The following UNC13C variants were observed in gnomAD, a reference collection of about 807,000 sequenced individuals.
The protein encoded by UNC13C is unc-13 homolog C.
In UNC13C, 174 loss-of-function variants were observed where a neutral mutation model predicts 245.4. The ratio of observed to expected loss-of-function variants is 0.71; its 90% CI spans 0.63 to 0.80. The LOEUF is 0.80. UNC13C is among the 30% of genes least tolerant of loss of function. The pLI, the probability that UNC13C is intolerant of heterozygous loss-of-function variation, is 0.00. For missense variants in UNC13C, 2,829 were observed against 2,602.9 expected, an observed-to-expected ratio of 1.09 and a Z score of -1.89; for synonymous variants, 992 against 895.1, an observed-to-expected ratio of 1.11 and a Z score of -1.93.
intron 4 of UNC13C, among the ~76,000 whole-genome samples, chr15:54,204,418 G>A (rs952538444): frequency 3.3e-5 from 5 of 151,602 alleles, no homozygotes; most frequent in African/African-American, 1.2e-4. Context: ...TATAAGGGCT[G>A]TAGGCATAAA....
intron 17 of UNC13C, among the ~76,000 whole-genome samples, chr15:54,345,538 G>C (rs935514424): frequency 6.6e-6 from 1 of 152,156 alleles, no homozygotes; most frequent in African/African-American, 2.4e-5. Flanking sequence ...ATAGCTACCA[G>C]GTGGTGAAGG....
intron 4 of UNC13C, among the ~76,000 whole-genome samples, chr15:54,191,006 T>C (rs1171734722): frequency 1.3e-5 from 2 of 152,156 alleles, no homozygotes; most frequent in Non-Finnish European, 2.9e-5. Flanking sequence ...GTTTAGTCCA[T>C]ATTAGTTTAG....
the UNC13C span, among the ~76,000 whole-genome samples, chr15:53,875,090 T>A: frequency 1.4e-5 from 2 of 143,482 alleles, no homozygotes; most frequent in African/African-American, 5.1e-5. Flanking sequence ...AGACTCCGTC[T>A]CAAAATTAAA....
intron 30 of UNC13C, among the ~76,000 whole-genome samples, chr15:54,605,599 T>C (rs542268915): frequency 1.8e-4 from 27 of 152,312 alleles, no homozygotes; most frequent in Middle Eastern, 3.4e-3. Flanking sequence ...AGCCCACCCT[T>C]GTTTTAAAGT....
intron 17 of UNC13C, among the ~76,000 whole-genome samples, chr15:54,379,290 T>C (rs932447320): frequency 6.6e-6 from 1 of 152,084 alleles, no homozygotes; most frequent in Non-Finnish European, 1.5e-5. Context: ...TTCCACTTCC[T>C]CTTAAAATTA....
At chr15:54,084,039 G>A (rs1899102075) in intron 2 of UNC13C, among the ~76,000 whole-genome samples, 1 of 152,224 alleles carries the variant, frequency 6.6e-6, no homozygotes, top group Admixed American at 6.5e-5. Context: ...CAGTTTGGCA[G>A]GCAGCAGATT....
At chr15:54,234,913 G>GAAAACTATGGTATCCAGGTCATCTTT in intron 4 of UNC13C, 117 bp from the exon 5 acceptor site, 3 of 858,496 alleles carry the variant, frequency 3.5e-6, no homozygotes, top group Non-Finnish European at 5.4e-6. Flanking sequence ...TGAATCGTTT[G>GAAAACTATGGTATCCAGGTCATCTTT]AAAACTATGG....
rs538364476 is a variant in UNC13C, at chr15:53,978,455, C to G, written c.-729C>G. Among the ~76,000 whole-genome samples, 1 of 152,142 alleles carries G rather than the reference C, an allele frequency of 6.6e-6. No individual in the cohort carries two copies. The highest frequency in any genetic ancestry group is 1.5e-5 in the Non-Finnish European group (1 of 68,036). Reference sequence around the variant, plus strand: ...GTGCTGCATTCAGAAAAGACTCAGCCGCAGCCGGCGATGTGTGAAGTTCCC... The same window carrying G: ...GTGCTGCATTCAGAAAAGACTCAGCGGCAGCCGGCGATGTGTGAAGTTCCC... On this transcript the variant is annotated 5_prime_UTR_variant, in exon 1 of 33. Transcript: ENST00000260323.
At chr15:54,262,309 G>A (rs1458253385) in intron 8 of UNC13C, among the ~76,000 whole-genome samples, 1 of 152,166 alleles carries the variant, frequency 6.6e-6, no homozygotes, top group African/African-American at 2.4e-5. Flanking sequence ...TGGAAATTTG[G>A]GAGAGAGTCA....
intron 30 of UNC13C, among the ~76,000 whole-genome samples, chr15:54,619,096 G>T (rs1446563369): frequency 6.6e-6 from 1 of 152,110 alleles, no homozygotes; most frequent in African/African-American, 2.4e-5. Flanking sequence ...CTTGGAAATG[G>T]ATCCAAACTT....
At position 54,013,655 on chromosome 15, in the gene UNC13C, A is replaced by C; in HGVS notation, c.752A>C (p.Gln251Pro). The change falls in exon 2 of 33, where the codon CAG (glutamine) becomes CCG (proline). Residue 251 changes from glutamine to proline, a missense_variant. By Grantham distance (76) the Gln-to-Pro change is moderately conservative. Transcript: ENST00000260323. ...ATGGAAATGATCTTTAAGGAACTTCAGGGAATAAGTCAGATTGAAACAGAA... is the reference window on the plus strand; with the variant it reads ...ATGGAAATGATCTTTAAGGAACTTCCGGGAATAAGTCAGATTGAAACAGAA... The part of the protein sequence containing the change: ...DVMEMIFKEL[Q>P]GISQIETELS... 1 of 1,613,846 alleles carries C rather than the reference A, an allele frequency of 6.2e-7. No individual in the cohort carries two copies. Among genetic ancestry groups the C allele is most frequent in the Admixed American group, 1.7e-5 (1 of 59,968 alleles).
the UNC13C span, among the ~76,000 whole-genome samples, chr15:53,848,586 C>A: frequency 6.6e-6 from 1 of 152,078 alleles, no homozygotes; most frequent in Non-Finnish European, 1.5e-5. Context: ...TGAAAAGAAA[C>A]TATATTTGTC....
intron 26 of UNC13C, among the ~76,000 whole-genome samples, chr15:54,542,465 T>C (rs1423655268): frequency 6.6e-6 from 1 of 152,174 alleles, no homozygotes. Context: ...CTGAGAAGAA[T>C]GTATATTCTG....
chr15:53,935,589 A>G, the UNC13C span, among the ~76,000 whole-genome samples: 3 of 152,204 alleles, frequency 2.0e-5, no homozygotes, highest in South Asian at 4.1e-4. Flanking sequence ...GAAAATGGCG[A>G]GTTAATTCCA....
chr15:53,856,860 C>G, the UNC13C span, among the ~76,000 whole-genome samples: 1 of 152,090 alleles, frequency 6.6e-6, no homozygotes, highest in African/African-American at 2.4e-5. Flanking sequence ...AGTGATCTGT[C>G]TAATAATGAC....
chr15:54,265,557 G>A, intron 10 of UNC13C, 61 bp downstream of exon 10: 2 of 1,214,214 alleles, frequency 1.6e-6, no homozygotes, highest in Non-Finnish European at 2.2e-6. Context: ...ATTTAAGACA[G>A]GCATACAAAG....
At chr15:53,879,913 G>A in the UNC13C span, among the ~76,000 whole-genome samples, 1 of 151,742 alleles carries the variant, frequency 6.6e-6, no homozygotes, top group Non-Finnish European at 1.5e-5. Flanking sequence ...TAAGACATAC[G>A]GTATAGTGGA....
rs1256189335 is a variant in UNC13C, at chr15:54,038,110, A to ACGTATATATATACGTATATATATATACG, written c.2983+22224_2983+22225insCGTATATATATACGTATATATATATACG. ...TGTATATACATATACATATATATAT[A>ACGTATATATATACGTATATATATATACG]TATATATATATATATTTTTTTTTTT... On this transcript the variant is annotated intron_variant, in intron 2 of 32. Coordinates refer to ENST00000260323, the MANE Select transcript of UNC13C (RefSeq NM_001080534.3). Among the ~76,000 whole-genome samples the ACGTATATATATACGTATATATATATACG allele has an allele frequency of 1.4e-4, 4 of 29,518 alleles. 1 individual carries two copies. The South Asian group carries it at 3.1e-3, about 23-fold the overall frequency. The allele number at this position is 29,518 out of a possible 152,430, so 19.4% of individuals were successfully genotyped here.
intron 4 of UNC13C, among the ~76,000 whole-genome samples, chr15:54,210,146 T>G (rs2034834651): frequency 6.7e-6 from 1 of 150,138 alleles, no homozygotes; most frequent in Non-Finnish European, 1.5e-5. Flanking sequence ...TGACATATAG[T>G]TGTTGTTCCA....
Sources: gnomAD v4.1 joint callset for allele counts (sites outside exome capture counted in the v4.1 genomes callset) on GRCh38, gnomAD v4.1.1 for gene constraint, MANE v1.5 for transcripts, NCBI Gene and HGNC (gene_info 2026-07-23, HGNC 2026-07-21) for gene names.